PARM1: variants seen among roughly 807,000 people sequenced by gnomAD.
The protein encoded by PARM1 is WSC4, cell wall integrity and stress response component 4 homolog.
PARM1 carries 14 observed loss-of-function variants against 24.6 expected under a neutral mutation model. That is an observed-to-expected ratio of 0.57 (90% CI 0.38 to 0.89). The LOEUF (loss-of-function observed/expected upper bound fraction) is 0.89, where lower values mean the gene tolerates loss of function less well. Ranked by LOEUF, PARM1 falls within the 40% of genes least tolerant of loss-of-function variation. PARM1 has a pLI of 0.00. For synonymous variants in PARM1, 179 were observed against 156.6 expected (o/e 1.14, Z -1.07); for missense variants, 362 against 380.4 (o/e 0.95, Z 0.40).
At chr4:75,021,245 G>C (rs1462564735) in intron 2 of PARM1, among the ~76,000 whole-genome samples, 1 of 152,174 alleles carries the variant, frequency 6.6e-6, no homozygotes, top group Non-Finnish European at 1.5e-5. Flanking sequence ...CATCCTCACT[G>C]TGTCTGCAAA....
chr4:74,971,364 C>T (rs1220147382), intron 1 of PARM1, among the ~76,000 whole-genome samples: 2 of 152,292 alleles, frequency 1.3e-5, no homozygotes, highest in Non-Finnish European at 2.9e-5. Context: ...TACCTCTCAC[C>T]TGGTCCCTCT....
Position 75,033,978 on chromosome 4 carries a change from T to C in PARM1, c.848+17T>C, listed in dbSNP as rs765536792. 6.3e-7 allele frequency: 1 copy of C among 1,575,456 alleles called. No homozygotes were observed. Among genetic ancestry groups the C allele is most frequent in the Non-Finnish European group, 8.6e-7 (1 of 1,158,188 alleles). ...AAAAATCAGGTGAGACGCAGCTTAC[T>C]CTTAAAAAAAAGGGATTCTGTTTTG... On this transcript the variant is annotated intron_variant, in intron 3 of 3. Coordinates refer to ENST00000307428, the MANE Select transcript of PARM1 (RefSeq NM_015393.4).
In PARM1 at chr4:74,978,450, G is replaced by A. The variant is rs374169807; in HGVS notation, c.44-33975G>A. ...ATTTGCACCCAATACAGGAGCACCC[G>A]GATTTATAAAACAAGTGCTTAGAGA... On this transcript the variant is annotated intron_variant, in intron 1 of 3. Transcript: ENST00000307428. 1.4e-4 allele frequency among the ~76,000 whole-genome samples: 22 copies of A among 152,142 alleles called. No homozygotes were observed. The East Asian group carries it at 1.9e-3, about 13-fold the overall frequency.
At chr4:75,032,761 C>G (rs1200440442) in intron 2 of PARM1, among the ~76,000 whole-genome samples, 6 of 152,214 alleles carry the variant, frequency 3.9e-5, no homozygotes, top group African/African-American at 1.4e-4. Flanking sequence ...GAACCACACT[C>G]GAATCCACAT....
At chr4:75,030,433 C>T (rs972947092) in intron 2 of PARM1, among the ~76,000 whole-genome samples, 3 of 152,018 alleles carry the variant, frequency 2.0e-5, no homozygotes, top group African/African-American at 7.3e-5. Flanking sequence ...CAAATGGTAG[C>T]TATGGTTATT....
intron 1 of PARM1, among the ~76,000 whole-genome samples, chr4:74,944,391 G>A (rs2109981949): frequency 6.6e-6 from 1 of 152,262 alleles, no homozygotes; most frequent in African/African-American, 2.4e-5. Flanking sequence ...CCATTCTTGA[G>A]AAGGGCAGGC....
At chr4:74,995,240 CTAG>C (rs754385650) in intron 1 of PARM1, among the ~76,000 whole-genome samples, 3 of 152,048 alleles carry the variant, frequency 2.0e-5, no homozygotes, top group Non-Finnish European at 2.9e-5. Context: ...TAAGATCCAT[CTAG>C]AAGTCATGTG....
intron 3 of PARM1, chr4:75,034,686 G>A (rs905937861): frequency 5.3e-5 from 8 of 152,160 alleles, no homozygotes; most frequent in African/African-American, 1.9e-4. Context: ...TAAAATGCCA[G>A]ATGGCAAGTG....
At chr4:75,044,716 T>A (rs954998077) in intron 3 of PARM1, among the ~76,000 whole-genome samples, 5 of 152,140 alleles carry the variant, frequency 3.3e-5, no homozygotes, top group African/African-American at 1.2e-4. Flanking sequence ...ACACTTCTGA[T>A]AAACATACCC....
intron 1 of PARM1, among the ~76,000 whole-genome samples, chr4:74,999,851 C>G (rs1379978505): frequency 2.0e-5 from 3 of 152,208 alleles, no homozygotes; most frequent in Non-Finnish European, 4.4e-5. Flanking sequence ...GGGAGCCATT[C>G]AGCCTGATGC....
chr4:74,956,986 G>A (rs992341091), intron 1 of PARM1: 1 of 152,266 alleles, frequency 6.6e-6, no homozygotes, highest in Non-Finnish European at 1.5e-5. Context: ...TGGTGGAGGA[G>A]CAGCTCAGAC....
At chr4:74,972,234 C>T (rs1722052463) in intron 1 of PARM1, among the ~76,000 whole-genome samples, 1 of 152,226 alleles carries the variant, frequency 6.6e-6, no homozygotes, top group Non-Finnish European at 1.5e-5. Context: ...GCCTGAGCAT[C>T]TGCAAGATTG....
intron 1 of PARM1, among the ~76,000 whole-genome samples, chr4:74,973,854 ATG>A (rs147269325): frequency 1.3e-5 from 2 of 150,814 alleles, no homozygotes; most frequent in Admixed American, 6.6e-5. Flanking sequence ...TGTTACATGT[ATG>A]TGTGTGTGTG....
intron 2 of PARM1, among the ~76,000 whole-genome samples, chr4:75,028,614 C>T (rs182607547): frequency 7.7e-4 from 117 of 152,328 alleles, no homozygotes; most frequent in African/African-American, 2.5e-3. Flanking sequence ...AGTATTTACA[C>T]GCACCTTCTA....
At chr4:74,979,713 C>G (rs1016937561) in intron 1 of PARM1, among the ~76,000 whole-genome samples, 2 of 152,082 alleles carry the variant, frequency 1.3e-5, no homozygotes, top group African/African-American at 4.8e-5. Flanking sequence ...TGCAAAAATC[C>G]TCAATAAAAT....
chr4:74,961,451 A>G (rs1721772428), intron 1 of PARM1, among the ~76,000 whole-genome samples: 1 of 152,240 alleles, frequency 6.6e-6, no homozygotes, highest in South Asian at 2.1e-4. Context: ...ATAAACATTC[A>G]AGAAGCTCAA....
chr4:74,949,212 G>A (rs974266761), intron 1 of PARM1, among the ~76,000 whole-genome samples: 1 of 152,164 alleles, frequency 6.6e-6, no homozygotes, highest in South Asian at 2.1e-4. Context: ...CCACAGGGGA[G>A]CTTTCCATAG....
intron 1 of PARM1, among the ~76,000 whole-genome samples, chr4:74,978,770 C>T (rs935778858): frequency 1.3e-5 from 2 of 152,176 alleles, no homozygotes; most frequent in Non-Finnish European, 2.9e-5. Flanking sequence ...TCTCAGACCA[C>T]AGCACAATCA....
At chr4:75,045,817 G>T (rs1312990266) in intron 3 of PARM1, among the ~76,000 whole-genome samples, 1 of 152,218 alleles carries the variant, frequency 6.6e-6, no homozygotes, top group East Asian at 1.9e-4. Flanking sequence ...ACCTAAGTCA[G>T]AATGTTAGGA....
Sources: allele counts gnomAD v4.1 joint callset (sites outside exome capture counted in the v4.1 genomes callset), GRCh38; gene constraint gnomAD v4.1.1; transcripts MANE v1.5; gene names NCBI Gene and HGNC (gene_info 2026-07-23, HGNC 2026-07-21).